GRK3: variants seen among roughly 807,000 people sequenced by gnomAD.
GRK3 encodes adrenergic, beta, receptor kinase 2.
GRK3 carries 54 observed loss-of-function variants against 95.7 expected under a neutral mutation model. The ratio of observed to expected loss-of-function variants is 0.56; its 90% confidence interval spans 0.45 to 0.71. GRK3 has a LOEUF of 0.71. Ranked by LOEUF, GRK3 falls within the 30% of genes least tolerant of loss-of-function variation. The pLI is 0.00. For synonymous variants in GRK3, 281 were observed against 290.8 expected (o/e 0.97, Z 0.34); for missense variants, 649 against 851.2 (o/e 0.76, Z 2.96).
intron 9 of GRK3, among the ~76,000 whole-genome samples, 175 bp downstream of exon 9, chr22:25,679,090 A>G (rs1055639721): frequency 4.6e-5 from 7 of 152,212 alleles, no homozygotes; most frequent in African/African-American, 1.7e-4. Flanking sequence ...AGCCACCTCC[A>G]TTATGCACAC....
At chr22:25,696,078 G>A (rs1409763406) in intron 13 of GRK3, among the ~76,000 whole-genome samples, 1 of 151,994 alleles carries the variant, frequency 6.6e-6, no homozygotes, top group Admixed American at 6.6e-5. Flanking sequence ...TGGGTGATCC[G>A]CCTGCCTTGG....
Position 25,725,489 on chromosome 22 carries a change from C to T in GRK3, c.*3039C>T. 2.5e-6 allele frequency: 1 copy of T among 398,298 alleles called. No homozygotes were observed. The highest frequency in any genetic ancestry group is 1.3e-4 in the South Asian group (1 of 7,808). The allele number at this position is 398,298 out of a possible 1,614,324, so 24.7% of individuals were successfully genotyped here. On this transcript the variant is annotated 3_prime_UTR_variant, in exon 21 of 21. Transcript: ENST00000324198. ...AACATTCTCTTTGGTTCATTCATCC[C>T]CTCATGTCATGGGGGCTCATTGGTT...
chr22:25,570,258 A>G (rs1931644528), intron 1 of GRK3, among the ~76,000 whole-genome samples: 1 of 152,126 alleles, frequency 6.6e-6, no homozygotes, highest in Non-Finnish European at 1.5e-5. Context: ...GTTTAACACA[A>G]GTCATGCAAT....
At chr22:25,645,899 C>T (rs1428569236) in intron 3 of GRK3, among the ~76,000 whole-genome samples, 2 of 148,542 alleles carry the variant, frequency 1.3e-5, no homozygotes, top group Non-Finnish European at 3.0e-5. Context: ...CCAGCCTGGG[C>T]GACAGAGCGA....
At chr22:25,611,680 G>T (rs1276315347) in intron 2 of GRK3, among the ~76,000 whole-genome samples, 3 of 152,022 alleles carry the variant, frequency 2.0e-5, no homozygotes, top group East Asian at 1.9e-4. Flanking sequence ...TATGTTATTT[G>T]TTGTTTATGT....
At chr22:25,660,466 A>G (rs1389381055) in intron 3 of GRK3, among the ~76,000 whole-genome samples, 1 of 152,140 alleles carries the variant, frequency 6.6e-6, no homozygotes, top group Non-Finnish European at 1.5e-5. Flanking sequence ...ATGATCTTTC[A>G]GGACAATTAA....
intron 9 of GRK3, 126 bp downstream of exon 9, chr22:25,679,041 A>G (rs954676120): frequency 1.5e-5 from 9 of 582,850 alleles, no homozygotes; most frequent in Non-Finnish European, 2.7e-5. Flanking sequence ...AGAATCTGAT[A>G]GTATCTCTTT....
At position 25,724,234 on chromosome 22, in the gene GRK3, C is replaced by T. The variant is rs1045364111; in HGVS notation, c.*1784C>T. ...ATTATAGCTGTGACTGATGCCGTTC[C>T]CGTCTGCATCTCAAGCTCATAGGTT... On this transcript the variant is annotated 3_prime_UTR_variant, in exon 21 of 21. Coordinates refer to ENST00000324198, the MANE Select transcript of GRK3 (RefSeq NM_005160.4). The T allele has an allele frequency of 1.3e-5, 2 of 152,018 alleles. No homozygotes were observed. The highest frequency in any genetic ancestry group is 2.9e-5 in the Non-Finnish European group (2 of 68,024). The allele number at this position is 152,018 out of a possible 1,614,324, so 9.4% of individuals were successfully genotyped here. A position where few individuals can be genotyped will look rare whatever the true frequency, so the allele number is the denominator to read the frequency against.
At chr22:25,599,972 A>G (rs1361865130) in intron 1 of GRK3, among the ~76,000 whole-genome samples, 1 of 152,128 alleles carries the variant, frequency 6.6e-6, no homozygotes, top group Non-Finnish European at 1.5e-5. Context: ...ATACTAAAAC[A>G]TATTTACCAT....
intron 2 of GRK3, among the ~76,000 whole-genome samples, chr22:25,611,116 T>C (rs970531010): frequency 1.4e-4 from 21 of 152,048 alleles, no homozygotes; most frequent in African/African-American, 4.6e-4. Context: ...CTCACCTCAG[T>C]CTCCCAAAGT....
chr22:25,617,316 C>T (rs1047293939), intron 2 of GRK3, among the ~76,000 whole-genome samples: 8 of 152,162 alleles, frequency 5.3e-5, no homozygotes, highest in East Asian at 1.9e-4. Flanking sequence ...AGTTGAGTTC[C>T]GAATTGGTGA....
chr22:25,661,306 G>A (rs1269645606), intron 3 of GRK3, among the ~76,000 whole-genome samples: 1 of 152,176 alleles, frequency 6.6e-6, no homozygotes, highest in Non-Finnish European at 1.5e-5. Context: ...TTGTAACCAT[G>A]GCAGTGTGTG....
intron 1 of GRK3, among the ~76,000 whole-genome samples, chr22:25,594,588 T>A (rs1489426999): frequency 6.6e-6 from 1 of 151,988 alleles, no homozygotes; most frequent in African/African-American, 2.4e-5. Flanking sequence ...CATAAAAAAA[T>A]TAAAAACTGG....
chr22:25,694,843 A>G (rs984555329), intron 12 of GRK3, among the ~76,000 whole-genome samples: 1 of 152,232 alleles, frequency 6.6e-6, no homozygotes, highest in African/African-American at 2.4e-5. Flanking sequence ...GCTGGAGTAG[A>G]GAAGGACTAA....
Position 25,709,885 on chromosome 22 carries a change from C to CT in GRK3, c.1329-10dup. The CT allele has an allele frequency of 6.2e-7, 1 of 1,608,268 alleles. No homozygotes were observed. Among genetic ancestry groups the CT allele is most frequent in the South Asian group, 1.1e-5 (1 of 90,948 alleles). ...ATGCATACTCAGCACTGTTATGACT[C>CT]TTTCTCCTCCAGCTCACAGGAAGTA... is the stretch of plus-strand genomic sequence containing the variant. On this transcript the variant is annotated splice_polypyrimidine_tract_variant and intron_variant, in intron 15 of 20. Transcript: ENST00000324198.
At chr22:25,604,520 T>C (rs1207945983) in intron 2 of GRK3, 67 bp downstream of exon 2, 2 of 1,069,820 alleles carry the variant, frequency 1.9e-6, no homozygotes, top group Non-Finnish European at 2.8e-6. Flanking sequence ...ACTATAGTAA[T>C]ATATGAATGC....
In GRK3 at chr22:25,678,970, A is replaced by G. The variant is rs1161244797; in HGVS notation, c.747+55A>G. ...AAAAATGTTTTGTTTGTTTCATAGC[A>G]GGATGATTTATTATTTTTCCTTCTA... On this transcript the variant is annotated intron_variant, in intron 9 of 20. Coordinates refer to ENST00000324198, the MANE Select transcript of GRK3 (RefSeq NM_005160.4). The G allele has an allele frequency of 8.2e-6, 10 of 1,215,580 alleles. No homozygotes were observed. In the East Asian group the frequency reaches 2.4e-4, roughly 29 times the overall value. The allele number at this position is 1,215,580 out of a possible 1,614,324, so 75.3% of individuals were successfully genotyped here. A position where few individuals can be genotyped will look rare whatever the true frequency, so the allele number is the denominator to read the frequency against.
Position 25,620,006 on chromosome 22 carries a change from TTGTGTGTGTGTGTGTGTG to T in GRK3, c.190+15588_190+15605del, listed in dbSNP as rs56260834. On this transcript the variant is annotated intron_variant, in intron 2 of 20. Coordinates refer to ENST00000324198, the MANE Select transcript of GRK3 (RefSeq NM_005160.4). ...TTACTCTTCCTTTCCTTTGTCTTTT[TTGTGTGTGTGTGTGTGTG>T]TGTGTGTGTGTGTGTGTGTGTGTGT... Among the ~76,000 whole-genome samples the T allele has an allele frequency of 1.8e-3, 164 of 90,312 alleles. 1 individual carries two copies. Among genetic ancestry groups the T allele is most frequent in the African/African-American group, 1.5e-3 (23 of 15,272 alleles). The allele number at this position is 90,312 out of a possible 152,430, so 59.2% of individuals were successfully genotyped here. A position where few individuals can be genotyped will look rare whatever the true frequency, so the allele number is the denominator to read the frequency against.
chr22:25,721,359 A>G lies in GRK3; in HGVS notation c.1867A>G (p.Arg623Gly), dbSNP rs2085431058. The change falls in exon 20 of 21, where the codon AGA (arginine) becomes GGA (glycine). Residue 623 changes from arginine to glycine, a missense_variant. Around this residue, in one of 3 missense-constraint regions of GRK3, gnomAD observed 382 missense variants for 493.8 expected, o/e 0.77. Transcript: ENST00000324198. ...TAAAGACAAAAAATGCATTTTGTTCAGAATAAAAGGAGGGAAACAATTTGT... is the reference window on the plus strand; with the variant it reads ...TAAAGACAAAAAATGCATTTTGTTCGGAATAAAAGGAGGGAAACAATTTGT... ...QIKDKKCILF[R>G]IKGGKQFVLQ... The G allele has an allele frequency of 1.2e-6, 2 of 1,604,520 alleles. No individual in the cohort carries two copies. The highest frequency in any genetic ancestry group is 1.3e-5 in the African/African-American group (1 of 74,800).
Sources: allele counts gnomAD v4.1 joint callset (sites outside exome capture counted in the v4.1 genomes callset), GRCh38; gene constraint gnomAD v4.1.1; regional missense constraint gnomAD v4.1.1; transcripts MANE v1.5; gene names NCBI Gene and HGNC (gene_info 2026-07-23, HGNC 2026-07-21).